Variants in OXNAD1 observed in about 807,000 individuals in gnomAD.
OXNAD1 encodes the protein oxidoreductase NAD binding domain containing 1.
A neutral mutation model predicts 32.9 loss-of-function variants in OXNAD1; 34 were observed. The observed-to-expected ratio is 1.03, with a 90% confidence interval of 0.79 to 1.38. The LOEUF (loss-of-function observed/expected upper bound fraction) is 1.38. Among genes scored for constraint, OXNAD1 ranks in the 40% most tolerant of loss-of-function variants. OXNAD1 has a pLI of 0.00. For missense variants in OXNAD1, 407 were observed against 379.4 expected (o/e 1.07, Z -0.60); for synonymous variants, 134 against 135.2 (o/e 0.99, Z 0.06).
chr3:16,274,167 TAAA>T (rs34969392), intron 4 of OXNAD1, among the ~76,000 whole-genome samples: 2 of 122,394 alleles, frequency 1.6e-5, no homozygotes, highest in African/African-American at 3.0e-5. Flanking sequence ...GTACTATCAC[TAAA>T]AAAAAAAAAA....
intron 9 of OXNAD1, among the ~76,000 whole-genome samples, chr3:16,326,359 G>T (rs2069689215): frequency 6.6e-6 from 1 of 152,196 alleles, no homozygotes; most frequent in South Asian, 2.1e-4. Flanking sequence ...CTGCAAAATG[G>T]GTTTAATAAT....
chr3:16,293,176 A>AATG (rs1312592074), intron 5 of OXNAD1, among the ~76,000 whole-genome samples: 1 of 152,198 alleles, frequency 6.6e-6, no homozygotes, highest in Non-Finnish European at 1.5e-5. Flanking sequence ...GCTTCCATTT[A>AATG]CTTAGATCTT....
rs906141873 is a variant in OXNAD1 at position 16,318,204 on chromosome 3, C to A, written c.*30+14612C>A. 2.0e-5 allele frequency among the ~76,000 whole-genome samples: 3 copies of A among 152,128 alleles called. 1 individual carries two copies. Among genetic ancestry groups the A allele is most frequent in the African/African-American group, 7.2e-5 (3 of 41,412 alleles). On this transcript the variant is annotated intron_variant, in intron 9 of 9. Transcript: ENST00000435829. Reference sequence around the variant, plus strand: ...TCCGTCACTGACCGGCCAAGTTTCTCAATCTGAATTTCTCATCTCGGTGGC... The same window carrying A: ...TCCGTCACTGACCGGCCAAGTTTCTAAATCTGAATTTCTCATCTCGGTGGC...
Position 16,327,058 on chromosome 3 carries a change from A to G in OXNAD1, c.*31-10054A>G, listed in dbSNP as rs1367162910. ...AAAAGTTTGGAGTCAAACTGCCAAC[A>G]TGGGATTTCCTTCTGGGCCCCATTT... On this transcript the variant is annotated intron_variant, in intron 9 of 9. Coordinates refer to the OXNAD1 transcript ENST00000435829. The surrounding 1 kb of genome is among the most constrained non-coding windows in gnomAD (Gnocchi z 4.2). Among the ~76,000 whole-genome samples the G allele has an allele frequency of 6.6e-6, 1 of 152,204 alleles. No homozygotes were observed. Among genetic ancestry groups the G allele is most frequent in the Non-Finnish European group, 1.5e-5 (1 of 68,024 alleles).
chr3:16,278,233 A>G (rs1174091841), intron 4 of OXNAD1, among the ~76,000 whole-genome samples: 1 of 152,262 alleles, frequency 6.6e-6, no homozygotes, highest in Non-Finnish European at 1.5e-5. Flanking sequence ...CTCTGATCAG[A>G]AGACTTTATG....
downstream of OXNAD1, among the ~76,000 whole-genome samples, chr3:16,338,446 A>G (rs1291872191): frequency 6.6e-6 from 1 of 152,268 alleles, no homozygotes; most frequent in Non-Finnish European, 1.5e-5. The surrounding 1 kb of genome is among the most constrained non-coding windows in gnomAD (Gnocchi z 5.3). Context: ...TCAGCTGCTC[A>G]TCGGGACCAC....
At chr3:16,283,238 A>C (rs1454528608) in intron 4 of OXNAD1, among the ~76,000 whole-genome samples, 1 of 152,120 alleles carries the variant, frequency 6.6e-6, no homozygotes, top group Non-Finnish European at 1.5e-5. Flanking sequence ...ATCTCTGCAT[A>C]CCCTGTTCCC....
In OXNAD1 at chr3:16,345,290, G is replaced by T. The variant is rs2071576097; in HGVS notation, c.*31-3886G>T. ...TGTGTGTGTGTGTGTGTGTGTGTGT[G>T]TGTGTGTGTGTTTAAAGCTGTTATA... On this transcript the variant is annotated intron_variant, in intron 9 of 9. Coordinates refer to the OXNAD1 transcript ENST00000606098. This position sits in a 1 kb window ranked among gnomAD's most constrained non-coding sequence, Gnocchi z 5.2. 1 of 151,696 alleles carries T rather than the reference G, an allele frequency of 6.6e-6. No homozygotes were observed. Among genetic ancestry groups the T allele is most frequent in the South Asian group, 2.1e-4 (1 of 4,818 alleles). The allele number at this position is 151,696 out of a possible 1,614,324, so 9.4% of individuals were successfully genotyped here. A position where few individuals can be genotyped will look rare whatever the true frequency, so the allele number is the denominator to read the frequency against.
Position 16,335,961 on chromosome 3 carries a change from C to T in OXNAD1, c.*31-1151C>T, listed in dbSNP as rs2125267277. Among the ~76,000 whole-genome samples, 1 of 152,312 alleles carries T rather than the reference C, an allele frequency of 6.6e-6. No individual in the cohort carries two copies. The highest frequency in any genetic ancestry group is 1.9e-4 in the East Asian group (1 of 5,176). ...AGCTGCTAGTGCAGAGGAGGCAGAGCATGCTGGCGCCTTCTCAGGGCTGCC... is the reference window on the plus strand; with the variant it reads ...AGCTGCTAGTGCAGAGGAGGCAGAGTATGCTGGCGCCTTCTCAGGGCTGCC... On this transcript the variant is annotated intron_variant, in intron 9 of 9. Transcript: ENST00000435829. This position sits in a 1 kb window ranked among gnomAD's most constrained non-coding sequence, Gnocchi z 4.7.
chr3:16,338,074 C>T (rs1019776984), downstream of OXNAD1, among the ~76,000 whole-genome samples: 6 of 152,252 alleles, frequency 3.9e-5, no homozygotes, highest in Admixed American at 6.5e-5. This position sits in a 1 kb window ranked among gnomAD's most constrained non-coding sequence, Gnocchi z 5.3. Context: ...AAAACCAAAC[C>T]TGCATGTGCA....
chr3:16,307,054 C>A (rs1212354474), downstream of OXNAD1, among the ~76,000 whole-genome samples: 1 of 152,172 alleles, frequency 6.6e-6, no homozygotes, highest in East Asian at 1.9e-4. Context: ...ATAGAACTTT[C>A]CCTCATCAGC....
intron 4 of OXNAD1, among the ~76,000 whole-genome samples, chr3:16,283,413 G>C (rs2065882829): frequency 6.6e-6 from 1 of 152,188 alleles, no homozygotes; most frequent in South Asian, 2.1e-4. Context: ...AGGTGATCTT[G>C]AGCAAGTTAC....
At position 16,301,864 on chromosome 3, in the gene OXNAD1, T is replaced by G; in HGVS notation, c.671T>G (p.Phe224Cys). 6.2e-7 allele frequency: 1 copy of G among 1,613,720 alleles called. No homozygotes were observed. The change falls in exon 7 of 9, where the codon TTT becomes TGT. Residue 224 changes from phenylalanine (F) to cysteine (C), a missense_variant. By Grantham distance (205) the Phe-to-Cys change is radical. Coordinates refer to ENST00000285083, the MANE Select transcript of OXNAD1 (RefSeq NM_138381.5). The surrounding 1 kb of genome is among the most constrained non-coding windows in gnomAD (Gnocchi z 4.1). ...YSAKNTSELLFKKNILDLVNE... is the reference protein window; with the variant it reads ...YSAKNTSELLCKKNILDLVNE... ...GCAAAAAATACCAGCGAACTCCTGT[T>G]TAAGGTAAGGGAGGTATAGCTTGCT...
intron 9 of OXNAD1, among the ~76,000 whole-genome samples, chr3:16,331,183 A>C (rs2125245166): frequency 6.6e-6 from 1 of 152,320 alleles, no homozygotes; most frequent in East Asian, 1.9e-4. Context: ...AGGGTATGTA[A>C]GGGAGAGTCC....
intron 6 of OXNAD1, among the ~76,000 whole-genome samples, chr3:16,300,268 A>G (rs968036940): frequency 8.5e-5 from 13 of 152,226 alleles, no homozygotes; most frequent in African/African-American, 3.1e-4. Flanking sequence ...GTGATCCATA[A>G]TCAAAGAGTA....
chr3:16,319,526 T>C (rs1272615166), intron 9 of OXNAD1, among the ~76,000 whole-genome samples: 1 of 152,206 alleles, frequency 6.6e-6, no homozygotes, highest in African/African-American at 2.4e-5. Flanking sequence ...CCCTCTGCTG[T>C]TGTGCAGTGT....
chr3:16,266,571 C>T (rs893402971), intron 1 of OXNAD1, among the ~76,000 whole-genome samples: 1 of 142,864 alleles, frequency 7.0e-6, no homozygotes, highest in Admixed American at 7.3e-5. Flanking sequence ...CCACTGCACT[C>T]CAGCCTGGGC....
chr3:16,340,346 T>C (rs1575055349), downstream of OXNAD1, among the ~76,000 whole-genome samples: 1 of 152,290 alleles, frequency 6.6e-6, no homozygotes, highest in South Asian at 2.1e-4. Context: ...TGTGAAGAGG[T>C]TCAGGTTAGC....
chr3:16,282,820 CTTTTTTTTTTTTT>C (rs11379565), intron 4 of OXNAD1, among the ~76,000 whole-genome samples: 5 of 72,016 alleles, frequency 6.9e-5, no homozygotes, highest in Non-Finnish European at 1.2e-4. Flanking sequence ...GGACTTTCAG[CTTTTTTTTTTTTT>C]TTTTTTTTTT....
Sources: allele counts gnomAD v4.1 joint callset (sites outside exome capture counted in the v4.1 genomes callset), GRCh38; gene constraint gnomAD v4.1.1; non-coding constraint Gnocchi (gnomAD v3.1); transcripts MANE v1.5; gene names NCBI Gene and HGNC (gene_info 2026-07-23, HGNC 2026-07-21).